The following DMXL2 variants were observed in gnomAD, a reference collection of about 807,000 sequenced individuals.
DMXL2 encodes dmX-like protein 2.
A neutral mutation model predicts 331.1 loss-of-function variants in DMXL2; 103 were observed. The observed-to-expected ratio is 0.31, with a 90% confidence interval of 0.27 to 0.37. The LOEUF (loss-of-function observed/expected upper bound fraction) is 0.37, where lower values mean the gene tolerates loss of function less well. Among genes scored for constraint, DMXL2 ranks in the 10% least tolerant of loss-of-function variants. The probability of loss-of-function intolerance (pLI) is 1.00; values close to 1 mark genes in which losing one functional copy is unlikely to be tolerated. For synonymous variants in DMXL2, 1,281 were observed against 1,252.1 expected, an observed-to-expected ratio of 1.02 and a Z score of -0.49; for missense variants, 3,171 against 3,642.9, an observed-to-expected ratio of 0.87 and a Z score of 3.33.
chr15:51,494,979 T>G, intron 19 of DMXL2, 45 bp downstream of exon 19: 1 of 1,404,738 alleles, frequency 7.1e-7, no homozygotes, highest in Non-Finnish European at 1.0e-6. Flanking sequence ...ATCGCTCCAA[T>G]ATTAAGTAAA....
chr15:51,474,526 A>C lies in DMXL2; in HGVS notation c.7031T>G (p.Leu2344Trp). Residue 2344 changes from leucine to tryptophan, a missense_variant, in exon 28 of 44, where the codon TTG (leucine) becomes TGG (tryptophan). Leu to Trp is a moderately conservative substitution (Grantham distance 61). This residue lies in a region of DMXL2 where 766 missense variants were observed against 940.5 expected (regional missense o/e 0.81). Coordinates refer to ENST00000560891, the MANE Select transcript of DMXL2 (RefSeq NM_001378457.1). ...AACAGCAACAACAGCTTCACATAGC[A>C]AAATGTTCAGTTTTGGCTGGTCTTC... ...QDEDQPKLNILLCEAVVAVYL... is the reference protein window; with the variant it reads ...QDEDQPKLNIWLCEAVVAVYL... 1 of 1,614,148 alleles carries C rather than the reference A, an allele frequency of 6.2e-7. No individual in the cohort carries two copies. Among genetic ancestry groups the C allele is most frequent in the Non-Finnish European group, 8.5e-7 (1 of 1,180,002 alleles).
intron 1 of DMXL2, among the ~76,000 whole-genome samples, chr15:51,618,484 T>C (rs766781212): frequency 5.3e-5 from 8 of 152,172 alleles, no homozygotes; most frequent in Non-Finnish European, 1.2e-4. Context: ...AAAGAGGTTA[T>C]ACAACATTAT....
At chr15:51,612,648 T>C (rs1354847182) in intron 1 of DMXL2, among the ~76,000 whole-genome samples, 1 of 152,132 alleles carries the variant, frequency 6.6e-6, no homozygotes, top group Non-Finnish European at 1.5e-5. Flanking sequence ...GGTAATAAAA[T>C]ATCACAAGAC....
chr15:51,450,083 T>G (rs376005575), intron 43 of DMXL2, 46 bp downstream of exon 43: 1 of 1,548,630 alleles, frequency 6.5e-7, no homozygotes, highest in Non-Finnish European at 8.8e-7. Context: ...GTTTTTTCTC[T>G]TTCCAATCAG....
At chr15:51,449,794 A>AAGAGT (rs1181095600) in intron 43 of DMXL2, among the ~76,000 whole-genome samples, 7 of 152,174 alleles carry the variant, frequency 4.6e-5, no homozygotes, top group African/African-American at 1.7e-4. Flanking sequence ...CACCACACAC[A>AAGAGT]AGAGTACTGA....
chr15:51,588,373 A>G (rs2052020983), intron 1 of DMXL2, among the ~76,000 whole-genome samples: 1 of 152,014 alleles, frequency 6.6e-6, no homozygotes, highest in Non-Finnish European at 1.5e-5. Context: ...TGTCCAGGCT[A>G]GTCTCGAACT....
At chr15:51,519,636 G>GTTTTTTTTTTT (rs61062444) in intron 13 of DMXL2, among the ~76,000 whole-genome samples, 8 of 84,902 alleles carry the variant, frequency 9.4e-5, no homozygotes, top group Non-Finnish European at 1.4e-4. Context: ...AAAGTCTCTT[G>GTTTTTTTTTTT]TTTTTTTTTT....
Position 51,495,854 on chromosome 15 carries a change from A to C in DMXL2, c.4673-720T>G, listed in dbSNP as rs565046515. 1.3e-4 allele frequency among the ~76,000 whole-genome samples: 20 copies of C among 151,980 alleles called. No homozygotes were observed. In the South Asian group the frequency reaches 3.1e-3, roughly 24 times the overall value. On this transcript the variant is annotated intron_variant, in intron 18 of 43. Coordinates refer to ENST00000560891, the MANE Select transcript of DMXL2 (RefSeq NM_001378457.1). ...AATAGTATTTTCCAGAAAAAAAAAA[A>C]CAAAAACTTTTAAATTGCCAAAGAT...
chr15:51,561,279 G>A (rs934598943), intron 6 of DMXL2, among the ~76,000 whole-genome samples: 4 of 152,192 alleles, frequency 2.6e-5, no homozygotes, highest in South Asian at 2.1e-4. Context: ...CCCAAATGTC[G>A]TAGCGTTAGT....
intron 9 of DMXL2, 74 bp from the exon 10 acceptor site, chr15:51,538,526 A>C (rs1169941110): frequency 2.5e-6 from 3 of 1,201,904 alleles, no homozygotes; most frequent in Admixed American, 5.4e-5. Context: ...TACAATGACT[A>C]ATCTATATAA....
At chr15:51,519,376 C>G (rs1370529811) in intron 13 of DMXL2, among the ~76,000 whole-genome samples, 1 of 152,030 alleles carries the variant, frequency 6.6e-6, no homozygotes. Context: ...CCTCAGCCTC[C>G]CAAAGCACTG....
At chr15:51,595,288 G>C (rs1055010352) in intron 1 of DMXL2, among the ~76,000 whole-genome samples, 8 of 152,162 alleles carry the variant, frequency 5.3e-5, no homozygotes, top group African/African-American at 1.9e-4. Flanking sequence ...CAGACAAACA[G>C]AGAGCCAAAT....
intron 2 of DMXL2, among the ~76,000 whole-genome samples, chr15:51,569,164 G>A (rs1415946262): frequency 6.6e-6 from 1 of 152,170 alleles, no homozygotes; most frequent in Non-Finnish European, 1.5e-5. Flanking sequence ...CCACCCCCAC[G>A]GAGCCCAGCA....
chr15:51,612,222 C>G (rs541045513), intron 1 of DMXL2, among the ~76,000 whole-genome samples: 1 of 152,302 alleles, frequency 6.6e-6, no homozygotes, highest in African/African-American at 2.4e-5. Context: ...AAATATTAAT[C>G]CTACTACTTT....
rs184378904 is a variant in DMXL2, at chr15:51,614,894, T to C, written c.87+7565A>G. Among the ~76,000 whole-genome samples, 504 of 152,238 alleles carry C rather than the reference T, an allele frequency of 3.3e-3. 4 individuals carry two copies. Among genetic ancestry groups the C allele is most frequent in the African/African-American group, 0.011 (471 of 41,546 alleles). On this transcript the variant is annotated intron_variant, in intron 1 of 43. Transcript: ENST00000560891. ...ATGTTGAAAATAAACTGAAGGAGGA[T>C]AGGCTAGAGTCAGAAAAGGCAGGAA...
chr15:51,504,038 G>A (rs2043877424), intron 16 of DMXL2, among the ~76,000 whole-genome samples: 1 of 151,952 alleles, frequency 6.6e-6, no homozygotes, highest in Non-Finnish European at 1.5e-5. Context: ...ATACAGTCCA[G>A]TGCTTACAAC....
rs1263523217 is a variant in DMXL2, at chr15:51,542,523, A to C, written c.931-16T>G. The C allele has an allele frequency of 1.3e-6, 2 of 1,595,196 alleles. No homozygotes were observed. Among genetic ancestry groups the C allele is most frequent in the African/African-American group, 2.7e-5 (2 of 74,502 alleles). ...GGTGTATTGTCTAAAATAGAAAAAT[A>C]GTTGCTGAGTCCAACTCTGGAACCT... On this transcript the variant is annotated splice_polypyrimidine_tract_variant and intron_variant, in intron 8 of 43. Transcript: ENST00000560891.
intron 1 of DMXL2, among the ~76,000 whole-genome samples, chr15:51,593,651 C>T (rs1340803541): frequency 1.3e-5 from 2 of 152,252 alleles, no homozygotes; most frequent in East Asian, 3.9e-4. Flanking sequence ...CCAAAATTGA[C>T]CACATAGTTG....
intron 41 of DMXL2, chr15:51,453,151 A>G (rs1471931423): frequency 5.1e-5 from 9 of 177,980 alleles, no homozygotes; most frequent in Non-Finnish European, 9.3e-5. Context: ...TGCTCAGGTG[A>G]TGGGTGCACC....
Sources: gnomAD v4.1 joint callset for allele counts (sites outside exome capture counted in the v4.1 genomes callset) on GRCh38, gnomAD v4.1.1 for gene constraint, gnomAD v4.1.1 regional missense constraint, MANE v1.5 for transcripts, NCBI Gene and HGNC (gene_info 2026-07-23, HGNC 2026-07-21) for gene names.